CTF1: variants seen among roughly 807,000 people sequenced by gnomAD.
The protein encoded by CTF1 is cardiotrophin-1.
In CTF1, 9 loss-of-function variants were observed where a neutral mutation model predicts 10.9. That is an observed-to-expected ratio of 0.83 (90% CI 0.50 to 1.44). CTF1 has a LOEUF of 1.44. Ranked by LOEUF, CTF1 falls within the 40% of genes most tolerant of loss-of-function variation. The pLI, the probability that CTF1 is intolerant of heterozygous loss-of-function variation, is 0.00. For missense variants in CTF1, 259 were observed against 275.3 expected, an observed-to-expected ratio of 0.94 and a Z score of 0.42; for synonymous variants, 133 against 138.8, an observed-to-expected ratio of 0.96 and a Z score of 0.29.
In CTF1 at chr16:30,899,535, TGA is replaced by T; in HGVS notation, c.144+4_144+5del. On this transcript the variant is annotated splice_donor_region_variant and intron_variant, in intron 2 of 2. Transcript: ENST00000279804. The stretch of plus-strand genomic sequence containing the variant: ...GCTGAGCAGCTGCTCCAGGAATATG[TGA>T]GTGGGAATGGGGGTGGGGGTGCCGG... 2 of 1,396,986 alleles carry T rather than the reference TGA, an allele frequency of 1.4e-6. No homozygotes were observed. The highest frequency in any genetic ancestry group is 2.0e-6 in the Non-Finnish European group (2 of 1,023,324). The allele number at this position is 1,396,986 out of a possible 1,614,324, so 86.5% of individuals were successfully genotyped here.
chr16:30,900,726 G>A lies in CTF1; in HGVS notation c.144+1193G>A, dbSNP rs577769393. On this transcript the variant is annotated intron_variant, in intron 2 of 2. Transcript: ENST00000279804. ...TGTGGAGGATTGCTTGAGCCCTGGA[G>A]GCTGTGTGATCAAACCATTGCTCTC... Among the ~76,000 whole-genome samples, 15 of 152,292 alleles carry A rather than the reference G, an allele frequency of 9.8e-5. No individual in the cohort carries two copies. In the South Asian group the frequency reaches 2.5e-3, roughly 25 times the overall value.
chr16:30,902,185 C>G lies in CTF1; in HGVS notation c.252C>G (p.His84Gln), dbSNP rs1452820151. ...CGAGCCACGCGGGGCTGCCAGTGCA[C>G]GAGCGGCTGCGGCTGGACGCGGCGG... ...PAPSHAGLPV[H>Q]ERLRLDAAAL... The change falls in exon 3 of 3, where the codon CAC (histidine) becomes CAG (glutamine). Residue 84 changes from histidine to glutamine, a missense_variant. Physicochemically the swap from His to Gln is conservative, Grantham distance 24. Coordinates refer to ENST00000279804, the MANE Select transcript of CTF1 (RefSeq NM_001330.5). The G allele has an allele frequency of 5.8e-6, 7 of 1,213,736 alleles. No homozygotes were observed. The highest frequency in any genetic ancestry group is 1.6e-5 in the African/African-American group (1 of 62,968). 75.2% of individuals were successfully genotyped at this position (1,213,736 alleles called of 1,614,324 possible).
intron 1 of CTF1, among the ~76,000 whole-genome samples, chr16:30,897,461 A>C (rs1395476071): frequency 6.6e-6 from 1 of 152,176 alleles, no homozygotes; most frequent in African/African-American, 2.4e-5. Flanking sequence ...GCAGATACAC[A>C]CAGAAAAGCC....
intron 2 of CTF1, among the ~76,000 whole-genome samples, 164 bp from the exon 3 acceptor site, chr16:30,901,914 G>A (rs1355274420): frequency 1.3e-5 from 2 of 151,964 alleles, no homozygotes; most frequent in Non-Finnish European, 2.9e-5. Context: ...GGTGTCAAGC[G>A]CATGCCACTT....
At position 30,899,547 on chromosome 16, in the gene CTF1, G is replaced by T; in HGVS notation, c.144+14G>T. On this transcript the variant is annotated intron_variant, in intron 2 of 2. Transcript: ENST00000279804. ...CTCCAGGAATATGTGAGTGGGAATGGGGGTGGGGGTGCCGGGGGCCTGGGG... is the reference window on the plus strand; with the variant it reads ...CTCCAGGAATATGTGAGTGGGAATGTGGGTGGGGGTGCCGGGGGCCTGGGG... 7.2e-7 allele frequency: 1 copy of T among 1,393,312 alleles called. No individual in the cohort carries two copies. Among genetic ancestry groups the T allele is most frequent in the South Asian group, 1.2e-5 (1 of 85,280 alleles). The allele number at this position is 1,393,312 out of a possible 1,614,324, so 86.3% of individuals were successfully genotyped here.
intron 1 of CTF1, among the ~76,000 whole-genome samples, chr16:30,896,907 A>G (rs1292945377): frequency 1.3e-5 from 2 of 151,840 alleles, no homozygotes; most frequent in East Asian, 1.9e-4. Flanking sequence ...CAGGGCTTAG[A>G]TCACCGGTTC....
chr16:30,896,690 C>A (rs1296018802), intron 1 of CTF1, 22 bp downstream of exon 1: 6 of 1,251,416 alleles, frequency 4.8e-6, no homozygotes, highest in Non-Finnish European at 6.1e-6. Flanking sequence ...AGGGACCGGA[C>A]GCCGGGTCGC....
At chr16:30,898,680 T>C (rs1036063645) in intron 1 of CTF1, among the ~76,000 whole-genome samples, 6 of 152,046 alleles carry the variant, frequency 3.9e-5, no homozygotes, top group Non-Finnish European at 8.8e-5. Flanking sequence ...TATTTAGAGA[T>C]AGGGTCTTAC....
intron 1 of CTF1, among the ~76,000 whole-genome samples, chr16:30,897,829 T>G (rs2055367090): frequency 6.6e-6 from 1 of 152,014 alleles, no homozygotes; most frequent in Non-Finnish European, 1.5e-5. Flanking sequence ...CACCCCATCC[T>G]GGGCGAAAGA....
intron 2 of CTF1, 64 bp downstream of exon 2, chr16:30,899,597 C>G: frequency 1.1e-6 from 1 of 927,778 alleles, no homozygotes; most frequent in East Asian, 2.5e-5. Context: ...TCACAGAGGT[C>G]CTCGATCACC....
intron 1 of CTF1, among the ~76,000 whole-genome samples, chr16:30,898,354 G>T (rs1301547829): frequency 1.3e-5 from 2 of 151,966 alleles, no homozygotes; most frequent in Non-Finnish European, 2.9e-5. Context: ...TAGAGACAGG[G>T]TTTCACCAGA....
At chr16:30,899,187 CA>C (rs2055380018) in intron 1 of CTF1, among the ~76,000 whole-genome samples, 1 of 152,218 alleles carries the variant, frequency 6.6e-6, no homozygotes, top group Non-Finnish European at 1.5e-5. Flanking sequence ...TGTTGTTAAG[CA>C]AGGCATGACT....
intron 1 of CTF1, 44 bp downstream of exon 1, chr16:30,896,712 G>A (rs901780832): frequency 1.5e-5 from 19 of 1,250,280 alleles, no homozygotes; most frequent in Non-Finnish European, 1.9e-5. Flanking sequence ...GAGGGGCGCA[G>A]GAGTCAGAGG....
chr16:30,897,423 C>T (rs2055362810), intron 1 of CTF1, among the ~76,000 whole-genome samples: 1 of 152,068 alleles, frequency 6.6e-6, no homozygotes, highest in South Asian at 2.1e-4. Flanking sequence ...ATATGTAAGC[C>T]CTGTCTTCAA....
chr16:30,896,501 C>T, upstream of CTF1: 1 of 750,626 alleles, frequency 1.3e-6, no homozygotes, highest in Non-Finnish European at 1.9e-6. Context: ...GCCAAGGAAT[C>T]CTGTCTCAAA....
Position 30,902,258 on chromosome 16 carries a change from G to A in CTF1, c.325G>A (p.Ala109Thr), listed in dbSNP as rs2055408380. 2.7e-6 allele frequency: 3 copies of A among 1,093,706 alleles called. No individual in the cohort carries two copies. Among genetic ancestry groups the A allele is most frequent in the Admixed American group, 1.0e-4 (2 of 19,802 alleles). The allele number at this position is 1,093,706 out of a possible 1,614,324, so 67.8% of individuals were successfully genotyped here. ...GCTGGACGCAGTGTGTCGCCGCCAG[G>A]CCGAGCTGAACCCGCGCGCGCCGCG... Reference protein sequence around the residue: ...PLLDAVCRRQAELNPRAPRLL... With the variant: ...PLLDAVCRRQTELNPRAPRLL... Residue 109 changes from alanine (A) to threonine (T), a missense_variant, in exon 3 of 3, where the codon GCC becomes ACC. Ala to Thr is a moderately conservative substitution (Grantham distance 58, BLOSUM62 0). Transcript: ENST00000279804.
At chr16:30,899,303 T>C in intron 1 of CTF1, 112 bp from the exon 2 acceptor site, 1 of 799,998 alleles carries the variant, frequency 1.3e-6, no homozygotes, top group Admixed American at 1.7e-5. Context: ...TCATTTTCCT[T>C]CAGTTGGAAT....
Position 30,902,338 on chromosome 16 carries a change from C to T in CTF1, c.405C>T (p.Ala135=). The T allele has an allele frequency of 1.9e-6, 2 of 1,077,122 alleles. No homozygotes were observed. Among genetic ancestry groups the T allele is most frequent in the Non-Finnish European group, 2.2e-6 (2 of 891,858 alleles). 66.7% of individuals were successfully genotyped at this position (1,077,122 alleles called of 1,614,324 possible). The change falls in exon 3 of 3, where the codon GCC becomes GCT. Residue 135 remains alanine, a synonymous_variant. Transcript: ENST00000279804. ...AARQARALGA[A]VEALLAALGA... ...GCCAGGCCCGGGCCCTGGGCGCCGC[C>T]GTGGAGGCCTTGCTGGCCGCGCTGG...
At chr16:30,896,463 G>T (rs1453714590), upstream of CTF1, 2 of 518,120 alleles carry the variant, frequency 3.9e-6, no homozygotes, top group African/African-American at 2.0e-5. Flanking sequence ...CCCCCACTAG[G>T]CCCCACGGAC....
Sources: allele counts gnomAD v4.1 joint callset (sites outside exome capture counted in the v4.1 genomes callset), GRCh38; gene constraint gnomAD v4.1.1; transcripts MANE v1.5; gene names NCBI Gene and HGNC (gene_info 2026-07-23, HGNC 2026-07-21).